Variants in ATP2C1 observed in about 807,000 individuals in gnomAD.
ATP2C1 encodes ATPase secretory pathway Ca2+ transporting 1, also known as calcium-transporting ATPase type 2C member 1.
In ATP2C1, 31 loss-of-function variants were observed where a neutral mutation model predicts 120.5. The ratio of observed to expected loss-of-function variants is 0.26; its 90% CI spans 0.19 to 0.35. The LOEUF (loss-of-function observed/expected upper bound fraction) is 0.35. Among genes scored for constraint, ATP2C1 ranks in the 10% least tolerant of loss-of-function variants. The pLI, the probability that ATP2C1 is intolerant of heterozygous loss-of-function variation, is 1.00. For synonymous variants in ATP2C1, 351 were observed against 358.7 expected, an observed-to-expected ratio of 0.98 and a Z score of 0.24; for missense variants, 731 against 1,107.5, an observed-to-expected ratio of 0.66 and a Z score of 4.83.
At chr3:130,919,732 T>C (rs1158995257) in intron 2 of ATP2C1, among the ~76,000 whole-genome samples, 1 of 152,196 alleles carries the variant, frequency 6.6e-6, no homozygotes, top group Non-Finnish European at 1.5e-5. Flanking sequence ...CTGGAATATA[T>C]GGTAGTTCTG....
At chr3:130,879,685 T>C (rs1197357082) in intron 1 of ATP2C1, among the ~76,000 whole-genome samples, 1 of 152,220 alleles carries the variant, frequency 6.6e-6, no homozygotes, top group Non-Finnish European at 1.5e-5. Flanking sequence ...TTATACAGTA[T>C]CTTTCATAGA....
At chr3:130,980,708 G>GTCCA in intron 20 of ATP2C1, 29 bp downstream of exon 20, 5 of 1,463,276 alleles carry the variant, frequency 3.4e-6, no homozygotes, top group Non-Finnish European at 4.8e-6. Flanking sequence ...CTTTTGGACT[G>GTCCA]AAAGGCCTTA....
chr3:130,860,275 C>T (rs2067973431), intron 1 of ATP2C1, among the ~76,000 whole-genome samples: 1 of 152,192 alleles, frequency 6.6e-6, no homozygotes, highest in African/African-American at 2.4e-5. Flanking sequence ...GCACCTTGTA[C>T]AGACAGTCCC....
rs745916009 is a variant in ATP2C1 at position 131,014,041 on chromosome 3, T to C, written c.2630-2111T>C. ...AGGATTATATTAAATACATCTAGTT[T>C]GATGCAAACTGAGTTTTATTCAATG... On this transcript the variant is annotated intron_variant, in intron 26 of 26. Coordinates refer to the ATP2C1 transcript ENST00000328560. 2.0e-6 allele frequency: 3 copies of C among 1,517,600 alleles called. No homozygotes were observed. In the South Asian group the frequency reaches 3.7e-5, roughly 19 times the overall value. The allele number at this position is 1,517,600 out of a possible 1,614,324, so 94.0% of individuals were successfully genotyped here.
chr3:130,880,874 C>T (rs576679482), intron 1 of ATP2C1, among the ~76,000 whole-genome samples: 6 of 152,232 alleles, frequency 3.9e-5, no homozygotes, highest in Admixed American at 2.0e-4. Flanking sequence ...GTGCCTTTTT[C>T]CTCATTTATT....
chr3:130,949,081 A>C (rs1298245606), intron 8 of ATP2C1, among the ~76,000 whole-genome samples: 2 of 152,146 alleles, frequency 1.3e-5, no homozygotes, highest in Non-Finnish European at 2.9e-5. Context: ...TTAAGTGTTC[A>C]AGTGAAAGGA....
chr3:130,919,722 C>G (rs1325408611), intron 2 of ATP2C1, among the ~76,000 whole-genome samples: 1 of 152,272 alleles, frequency 6.6e-6, no homozygotes, highest in East Asian at 1.9e-4. Flanking sequence ...AGTGGGACTT[C>G]TGGAATATAT....
At chr3:131,005,366 C>T (rs2063068639), downstream of ATP2C1, among the ~76,000 whole-genome samples, 1 of 152,130 alleles carries the variant, frequency 6.6e-6, no homozygotes, top group Non-Finnish European at 1.5e-5. Context: ...GATCCACCAG[C>T]CTTGGGCTCC....
At chr3:130,975,615 T>C in intron 18 of ATP2C1, 127 bp downstream of exon 18, 1 of 1,141,400 alleles carries the variant, frequency 8.8e-7, no homozygotes, top group Non-Finnish European at 1.3e-6. Context: ...CTTGCCAGTA[T>C]TGAGGTGTTA....
chr3:130,986,664 C>G (rs531291979), intron 20 of ATP2C1, among the ~76,000 whole-genome samples: 2 of 152,168 alleles, frequency 1.3e-5, no homozygotes, highest in Non-Finnish European at 2.9e-5. Context: ...AAGTGGAATT[C>G]TATAAATACT....
intron 26 of ATP2C1, among the ~76,000 whole-genome samples, chr3:131,010,187 C>CTTTTTTT (rs35503162): frequency 3.4e-5 from 3 of 88,022 alleles, no homozygotes; most frequent in Admixed American, 1.2e-4. Context: ...CTTTTTCTAT[C>CTTTTTTT]TTTTTTTTTT....
chr3:130,994,177 T>A, intron 22 of ATP2C1, 79 bp downstream of exon 22: 1 of 1,528,816 alleles, frequency 6.5e-7, no homozygotes, highest in South Asian at 1.1e-5. Flanking sequence ...AGAATTCAAC[T>A]GGAAAAGAAT....
chr3:130,982,198 T>A (rs1450271257), intron 20 of ATP2C1, among the ~76,000 whole-genome samples: 1 of 152,250 alleles, frequency 6.6e-6, no homozygotes, highest in Non-Finnish European at 1.5e-5. Flanking sequence ...TTTTTGTATA[T>A]GTTGTAATGG....
intron 2 of ATP2C1, among the ~76,000 whole-genome samples, chr3:130,913,239 A>G (rs1434622610): frequency 6.6e-6 from 1 of 151,864 alleles, no homozygotes; most frequent in Non-Finnish European, 1.5e-5. Flanking sequence ...TAAAACTTAA[A>G]GTATAATAAA....
chr3:130,977,328 T>A (rs116051821), intron 18 of ATP2C1, among the ~76,000 whole-genome samples: 4,098 of 152,284 alleles, frequency 0.027, 192 homozygotes, highest in African/African-American at 0.093. Flanking sequence ...AAAAAGACCG[T>A]TGGTGAACAA....
intron 8 of ATP2C1, among the ~76,000 whole-genome samples, chr3:130,942,818 G>T (rs2059980405): frequency 6.6e-6 from 1 of 151,990 alleles, no homozygotes; most frequent in African/African-American, 2.4e-5. Context: ...TTTTGCCGAT[G>T]ACAATACCTT....
intron 8 of ATP2C1, among the ~76,000 whole-genome samples, chr3:130,953,157 GT>G (rs535472509): frequency 4.8e-5 from 7 of 147,362 alleles, no homozygotes; most frequent in East Asian, 2.0e-4. Flanking sequence ...TCATAAAATT[GT>G]TTTTTTTTTC....
intron 2 of ATP2C1, among the ~76,000 whole-genome samples, chr3:130,903,700 CCCTTT>C (rs145176420): frequency 0.71 from 98,429 of 138,260 alleles, 35,383 homozygotes; most frequent in Middle Eastern, 0.85. Flanking sequence ...TTCCCCTTTC[CCCTTT>C]CCTTTCCTTT....
At chr3:130,931,809 A>G (rs1356453851) in intron 3 of ATP2C1, among the ~76,000 whole-genome samples, 1 of 152,124 alleles carries the variant, frequency 6.6e-6, no homozygotes, top group Non-Finnish European at 1.5e-5. Flanking sequence ...TTATCACTCC[A>G]GAAAGCTCCC....
Sources: gnomAD v4.1 joint callset for allele counts (sites outside exome capture counted in the v4.1 genomes callset) on GRCh38, gnomAD v4.1.1 for gene constraint, MANE v1.5 for transcripts, NCBI Gene and HGNC (gene_info 2026-07-23, HGNC 2026-07-21) for gene names.